The following B3GALT1 variants were observed in gnomAD, a reference collection of about 807,000 sequenced individuals.
B3GALT1 encodes the protein beta-1,3-galactosyltransferase 1, also known as UDP-Gal:betaGlcNAc beta 1,3-galactosyltransferase, polypeptide 1.
B3GALT1 carries 10 observed loss-of-function variants against 23.2 expected under a neutral mutation model. The ratio of observed to expected loss-of-function variants is 0.43; its 90% CI spans 0.27 to 0.73. The LOEUF (loss-of-function observed/expected upper bound fraction) is 0.73, where lower values mean the gene tolerates loss of function less well. Ranked by LOEUF, B3GALT1 falls within the 30% of genes least tolerant of loss-of-function variation. B3GALT1 has a pLI of 0.21. For synonymous variants in B3GALT1, 156 were observed against 141.5 expected (o/e 1.10, Z -0.73); for missense variants, 299 against 405.4 (o/e 0.74, Z 2.25).
At chr2:167,307,203 T>C (rs184386580) in intron 1 of B3GALT1, among the ~76,000 whole-genome samples, 4 of 152,158 alleles carry the variant, frequency 2.6e-5, no homozygotes, top group Admixed American at 6.6e-5. Context: ...ATACACGAGT[T>C]AATTTGAAGT....
intron 3 of B3GALT1, among the ~76,000 whole-genome samples, chr2:167,738,427 G>A (rs1687525069): frequency 6.6e-6 from 1 of 152,126 alleles, no homozygotes; most frequent in African/African-American, 2.4e-5. Flanking sequence ...GGACAGAATG[G>A]CAGTGACAGG....
chr2:167,338,907 T>G (rs1337008203), intron 1 of B3GALT1, among the ~76,000 whole-genome samples: 1 of 152,060 alleles, frequency 6.6e-6, no homozygotes, highest in Non-Finnish European at 1.5e-5. Flanking sequence ...ATATTTAAAT[T>G]TAAAAAATGA....
At chr2:167,496,131 C>T (rs1699779966) in intron 2 of B3GALT1, among the ~76,000 whole-genome samples, 1 of 152,052 alleles carries the variant, frequency 6.6e-6, no homozygotes, top group Admixed American at 6.6e-5. Flanking sequence ...GTTCATTTGC[C>T]TAAACTGACA....
intron 1 of B3GALT1, among the ~76,000 whole-genome samples, chr2:167,393,158 C>T (rs1265087354): frequency 7.9e-5 from 12 of 151,204 alleles, no homozygotes; most frequent in Admixed American, 5.9e-4. Context: ...GGCGTGAACC[C>T]GGGAGGCGGA....
At chr2:167,651,642 A>G (rs1010806674) in intron 3 of B3GALT1, among the ~76,000 whole-genome samples, 7 of 152,178 alleles carry the variant, frequency 4.6e-5, no homozygotes, top group Non-Finnish European at 1.0e-4. Context: ...TTGAGTACAC[A>G]ATGTTTAACA....
At chr2:167,566,185 G>C (rs969830439) in intron 2 of B3GALT1, among the ~76,000 whole-genome samples, 6 of 152,134 alleles carry the variant, frequency 3.9e-5, no homozygotes, top group South Asian at 2.1e-4. Context: ...AAAATGATGA[G>C]TTCATGTCCT....
At chr2:167,512,203 T>G (rs1700015052) in intron 2 of B3GALT1, among the ~76,000 whole-genome samples, 2 of 151,984 alleles carry the variant, frequency 1.3e-5, no homozygotes, top group South Asian at 4.2e-4. Context: ...AAAAATTCAG[T>G]ATTCCACCAT....
In B3GALT1 at chr2:167,641,056, C is replaced by A. The variant is rs139915613; in HGVS notation, c.-409-5853C>A. ...TTCCGTTAACCTCTTCCTAATCCTA[C>A]ACCTAGTAAACAGTAATTGAGAAAT... On this transcript the variant is annotated intron_variant, in intron 2 of 4. Transcript: ENST00000392690. 4.2e-3 allele frequency among the ~76,000 whole-genome samples: 638 copies of A among 152,268 alleles called. 3 individuals carry two copies. The highest frequency in any genetic ancestry group is 0.015 in the African/African-American group (604 of 41,556).
intron 2 of B3GALT1, among the ~76,000 whole-genome samples, chr2:167,561,730 C>G (rs951944446): frequency 6.6e-6 from 1 of 152,178 alleles, no homozygotes; most frequent in Non-Finnish European, 1.5e-5. Flanking sequence ...TTCCTTGACA[C>G]ATACACTCTC....
At chr2:167,782,635 A>G (rs1274015503) in intron 3 of B3GALT1, among the ~76,000 whole-genome samples, 1 of 152,238 alleles carries the variant, frequency 6.6e-6, no homozygotes, top group Admixed American at 6.5e-5. Context: ...TATCTCAGCT[A>G]TTCCATAAAT....
At chr2:167,419,517 A>G (rs1311752029) in intron 1 of B3GALT1, among the ~76,000 whole-genome samples, 1 of 152,210 alleles carries the variant, frequency 6.6e-6, no homozygotes, top group Admixed American at 6.5e-5. Flanking sequence ...AGAGGCAATA[A>G]TGGAAGACAT....
In B3GALT1 at chr2:167,836,784, G is replaced by A. The variant is rs117641302; in HGVS notation, c.-230+17991G>A. ...TTTAAGGCAGCCAGAGAGAAAGGGC[G>A]GGTTACCCCACAAAGGGAAGCCCAT... On this transcript the variant is annotated intron_variant, in intron 4 of 4. Coordinates refer to ENST00000392690, the MANE Select transcript of B3GALT1 (RefSeq NM_020981.4). Among the ~76,000 whole-genome samples, 123 of 152,190 alleles carry A rather than the reference G, an allele frequency of 8.1e-4. 1 individual carries two copies. In the East Asian group the frequency reaches 0.014, roughly 18 times the overall value.
At chr2:167,363,703 A>G (rs1428626535) in intron 1 of B3GALT1, among the ~76,000 whole-genome samples, 2 of 152,072 alleles carry the variant, frequency 1.3e-5, no homozygotes, top group African/African-American at 2.4e-5. Context: ...ATGGCCCATC[A>G]CTTACTTTTG....
chr2:167,770,037 T>G (rs1688045963), intron 3 of B3GALT1, among the ~76,000 whole-genome samples: 1 of 152,238 alleles, frequency 6.6e-6, no homozygotes, highest in African/African-American at 2.4e-5. Context: ...GTGGTCTACA[T>G]CCTTCTCTGT....
intron 2 of B3GALT1, among the ~76,000 whole-genome samples, chr2:167,605,191 T>A (rs1237573045): frequency 1.3e-5 from 2 of 152,236 alleles, no homozygotes; most frequent in African/African-American, 4.8e-5. Context: ...CATCAACATA[T>A]GCTTTTTTCC....
At chr2:167,336,088 C>T (rs1417061615) in intron 1 of B3GALT1, among the ~76,000 whole-genome samples, 2 of 152,014 alleles carry the variant, frequency 1.3e-5, no homozygotes, top group East Asian at 3.9e-4. Context: ...TAGTGGACTA[C>T]TGATTACTAA....
intron 2 of B3GALT1, among the ~76,000 whole-genome samples, chr2:167,622,900 A>G (rs1685283170): frequency 6.6e-6 from 1 of 152,132 alleles, no homozygotes; most frequent in Non-Finnish European, 1.5e-5. Flanking sequence ...AGTTACAAAA[A>G]TGACTATGGA....
At chr2:167,663,678 T>C (rs1686115067) in intron 3 of B3GALT1, among the ~76,000 whole-genome samples, 2 of 151,074 alleles carry the variant, frequency 1.3e-5, no homozygotes, top group South Asian at 4.2e-4. Flanking sequence ...TGGTATCTCA[T>C]TGTGGTTTTG....
intron 1 of B3GALT1, among the ~76,000 whole-genome samples, chr2:167,343,277 C>A (rs1281241886): frequency 6.6e-6 from 1 of 152,118 alleles, no homozygotes; most frequent in African/African-American, 2.4e-5. Flanking sequence ...AGAGTTATTT[C>A]TTCTGTTGAC....
Sources: allele counts gnomAD v4.1 joint callset (sites outside exome capture counted in the v4.1 genomes callset), GRCh38; gene constraint gnomAD v4.1.1; transcripts MANE v1.5; gene names NCBI Gene and HGNC (gene_info 2026-07-23, HGNC 2026-07-21).